CELSR1: variants seen among roughly 807,000 people sequenced by gnomAD.
CELSR1 encodes the protein cadherin EGF LAG seven-pass G-type receptor 1, also known as adhesion G protein-coupled receptor C1.
In CELSR1, 110 loss-of-function variants were observed where a neutral mutation model predicts 249.1. The ratio of observed to expected loss-of-function variants is 0.44; its 90% CI spans 0.38 to 0.52. The LOEUF (loss-of-function observed/expected upper bound fraction) is 0.52. Ranked by LOEUF, CELSR1 falls within the 20% of genes least tolerant of loss-of-function variation. The pLI is 0.00. For missense variants in CELSR1, 4,109 were observed against 4,296.4 expected, an observed-to-expected ratio of 0.96 and a Z score of 1.22; for synonymous variants, 2,113 against 1,900.0, an observed-to-expected ratio of 1.11 and a Z score of -2.92.
rs914214439 is a variant in CELSR1 at position 46,398,899 on chromosome 22, C to A, written c.5413-262G>T. On this transcript the variant is annotated intron_variant, in intron 10 of 34. Transcript: ENST00000674500. The surrounding 1 kb of genome is among the most constrained non-coding windows in gnomAD (Gnocchi z 7.2). ...AGGCGGCCAGTGGGGTCAACGTGGGCAACTGTCCCGCCTCCGTCAAGGGCA... is the reference window on the plus strand; with the variant it reads ...AGGCGGCCAGTGGGGTCAACGTGGGAAACTGTCCCGCCTCCGTCAAGGGCA... Among the ~76,000 whole-genome samples, 1 of 152,208 alleles carries A rather than the reference C, an allele frequency of 6.6e-6. No homozygotes were observed. The highest frequency in any genetic ancestry group is 6.5e-5 in the Admixed American group (1 of 15,284).
rs866068908 is a variant in CELSR1, at chr22:46,445,337, T to C, written c.4184-5926A>G. Among the ~76,000 whole-genome samples, 1 of 151,074 alleles carries C rather than the reference T, an allele frequency of 6.6e-6. No homozygotes were observed. Among genetic ancestry groups the C allele is most frequent in the African/African-American group, 2.4e-5 (1 of 40,984 alleles). ...GACAAAACCCCGTCTCTACTAAAAA[T>C]ATAAAAATTAGCCGGGTATGGTGGC... On this transcript the variant is annotated intron_variant, in intron 2 of 34. Coordinates refer to ENST00000674500, the MANE Select transcript of CELSR1 (RefSeq NM_001378328.1). The surrounding 1 kb of genome is among the most constrained non-coding windows in gnomAD (Gnocchi z 4.4).
chr22:46,398,915 G>A lies in CELSR1; in HGVS notation c.5413-278C>T, dbSNP rs944212643. Among the ~76,000 whole-genome samples, 3 of 152,188 alleles carry A rather than the reference G, an allele frequency of 2.0e-5. No individual in the cohort carries two copies. In the South Asian group the frequency reaches 6.2e-4, roughly 32 times the overall value. On this transcript the variant is annotated intron_variant, in intron 10 of 34. Transcript: ENST00000674500. This position sits in a 1 kb window ranked among gnomAD's most constrained non-coding sequence, Gnocchi z 7.2. Reference sequence around the variant, plus strand: ...CAACGTGGGCAACTGTCCCGCCTCCGTCAAGGGCACAACACTAAACCAGCC... The same window carrying A: ...CAACGTGGGCAACTGTCCCGCCTCCATCAAGGGCACAACACTAAACCAGCC...
chr22:46,363,676 G>A lies in CELSR1; in HGVS notation c.9035+320C>T, dbSNP rs2078731184. ...AGTATCCTCAACTGCAAGGTGGGTG[G>A]CAGTGGTCCCAGGCGGAGACAATGC... On this transcript the variant is annotated intron_variant, in intron 34 of 34. Coordinates refer to ENST00000674500, the MANE Select transcript of CELSR1 (RefSeq NM_001378328.1). The surrounding 1 kb of genome is among the most constrained non-coding windows in gnomAD (Gnocchi z 4.3). 2.4e-6 allele frequency: 1 copy of A among 411,662 alleles called. No homozygotes were observed. 25.5% of individuals were successfully genotyped at this position (411,662 alleles called of 1,614,324 possible).
chr22:46,496,921 AATAC>A (rs1206095013), intron 1 of CELSR1, among the ~76,000 whole-genome samples: 2 of 152,206 alleles, frequency 1.3e-5, no homozygotes, highest in African/African-American at 4.8e-5. Flanking sequence ...TAGTACAGTA[AATAC>A]ATACAGTAAA....
Position 46,364,300 on chromosome 22 carries a change from G to GGCAGCTGCTGGGCCGTGT in CELSR1, c.8780-67_8780-50dup. The GGCAGCTGCTGGGCCGTGT allele has an allele frequency of 3.1e-6, 5 of 1,590,500 alleles. No homozygotes were observed. In the South Asian group the frequency reaches 3.3e-5, roughly 11 times the overall value. The stretch of plus-strand genomic sequence containing the variant: ...GTCAAGTCCGGGTGATGCTGCCGGG[G>GGCAGCTGCTGGGCCGTGT]GCAGCTGCTGGGCCGTGTGCAGCTG... On this transcript the variant is annotated intron_variant, in intron 33 of 34. Transcript: ENST00000674500.
rs1162467549 is a variant in CELSR1 at position 46,527,239 on chromosome 22, ATCTAAGCTGGC to A, written c.3544+6377_3544+6387del. Among the ~76,000 whole-genome samples, 1 of 152,072 alleles carries A rather than the reference ATCTAAGCTGGC, an allele frequency of 6.6e-6. No homozygotes were observed. The highest frequency in any genetic ancestry group is 2.4e-5 in the African/African-American group (1 of 41,412). ...CACATCGGCTGAGATGTGTCTGACC[ATCTAAGCTGGC>A]AAAGCCCTCCTCAGCCACCCCCATG... On this transcript the variant is annotated intron_variant, in intron 1 of 34. Coordinates refer to ENST00000674500, the MANE Select transcript of CELSR1 (RefSeq NM_001378328.1). The surrounding 1 kb of genome is among the most constrained non-coding windows in gnomAD (Gnocchi z 5.5).
At chr22:46,388,420 A>C (rs979158823) in intron 18 of CELSR1, among the ~76,000 whole-genome samples, 6 of 152,120 alleles carry the variant, frequency 3.9e-5, no homozygotes, top group Non-Finnish European at 5.9e-5. Flanking sequence ...TGGAGAACAA[A>C]CGCCACTGGC....
At chr22:46,528,679 A>G (rs944567598) in intron 1 of CELSR1, among the ~76,000 whole-genome samples, 4 of 152,240 alleles carry the variant, frequency 2.6e-5, no homozygotes, top group Non-Finnish European at 1.5e-5. Context: ...CTGTAATCCC[A>G]GCACTTTGGG....
In CELSR1 at chr22:46,446,277, C is replaced by T. The variant is rs959663725; in HGVS notation, c.4184-6866G>A. Among the ~76,000 whole-genome samples, 3 of 152,194 alleles carry T rather than the reference C, an allele frequency of 2.0e-5. No homozygotes were observed. The highest frequency in any genetic ancestry group is 7.2e-5 in the African/African-American group (3 of 41,446). Reference sequence around the variant, plus strand: ...GTCTCTGCATGTGGCTTTCCAGTGCCTGGAGGCCACCCGCATCCCCTGGCT... The same window carrying T: ...GTCTCTGCATGTGGCTTTCCAGTGCTTGGAGGCCACCCGCATCCCCTGGCT... On this transcript the variant is annotated intron_variant, in intron 2 of 34. Transcript: ENST00000674500. The surrounding 1 kb of genome is among the most constrained non-coding windows in gnomAD (Gnocchi z 5.5).
At chr22:46,496,522 C>G (rs1052596191) in intron 1 of CELSR1, among the ~76,000 whole-genome samples, 1 of 152,168 alleles carries the variant, frequency 6.6e-6, no homozygotes, top group African/African-American at 2.4e-5. Context: ...GAGCCAAGAT[C>G]ACGCCACTGC....
rs2078754488 is a variant in CELSR1, at chr22:46,365,223, A to G, written c.8554+8T>C. 6 of 1,610,446 alleles carry G rather than the reference A, an allele frequency of 3.7e-6. No individual in the cohort carries two copies. The highest frequency in any genetic ancestry group is 5.1e-6 in the Non-Finnish European group (6 of 1,179,572). ...CCCAGCCTGGCCCAATGTGCCCCAC[A>G]CACTCACCTTTGGGGGTGCTGTGGA... On this transcript the variant is annotated splice_region_variant and intron_variant, in intron 32 of 34. Coordinates refer to ENST00000674500, the MANE Select transcript of CELSR1 (RefSeq NM_001378328.1).
intron 1 of CELSR1, among the ~76,000 whole-genome samples, chr22:46,497,977 G>A (rs1018348300): frequency 3.3e-5 from 5 of 152,038 alleles, no homozygotes; most frequent in Admixed American, 6.6e-5. Flanking sequence ...GGCCAGGCAC[G>A]GTGGCTCACG....
Position 46,408,028 on chromosome 22 carries a change from G to C in CELSR1, c.5226+968C>G, listed in dbSNP as rs908010632. ...CGGCGGAGGTTGTGGCAGAAGGGCA[G>C]CCCGATGACAGAAGACAGGGCTCAT... On this transcript the variant is annotated intron_variant, in intron 9 of 34. Coordinates refer to ENST00000674500, the MANE Select transcript of CELSR1 (RefSeq NM_001378328.1). This position sits in a 1 kb window ranked among gnomAD's most constrained non-coding sequence, Gnocchi z 4.6. 6.6e-6 allele frequency among the ~76,000 whole-genome samples: 1 copy of C among 152,206 alleles called. No individual in the cohort carries two copies. Among genetic ancestry groups the C allele is most frequent in the Non-Finnish European group, 1.5e-5 (1 of 68,044 alleles).
rs184258457 is a variant in CELSR1, at chr22:46,417,887, G to A, written c.4612-6128C>T. 3.9e-5 allele frequency among the ~76,000 whole-genome samples: 6 copies of A among 152,324 alleles called. No homozygotes were observed. The highest frequency in any genetic ancestry group is 2.0e-4 in the Admixed American group (3 of 15,306). ...CCAGCTGGGCGGGCCCAAGGCCGGC[G>A]GGGGGCTCACAGGACAGCAGTGTCC... is the stretch of plus-strand genomic sequence containing the variant. On this transcript the variant is annotated intron_variant, in intron 5 of 34. Coordinates refer to ENST00000674500, the MANE Select transcript of CELSR1 (RefSeq NM_001378328.1). This position sits in a 1 kb window ranked among gnomAD's most constrained non-coding sequence, Gnocchi z 4.1.
chr22:46,410,459 C>G lies in CELSR1; in HGVS notation c.4872G>C (p.Leu1624=). ...NRQFVGCMRN[L]SVDGKNVDMA... The stretch of plus-strand genomic sequence containing the variant: ...TGTCCACATTTTTGCCGTCGACTGA[C>G]AGGTTCCGCATGCAGCCCACGAACT... Residue 1624 remains leucine, a synonymous_variant, in exon 7 of 35, where the codon CTG becomes CTC. Transcript: ENST00000674500. The surrounding 1 kb of genome is among the most constrained non-coding windows in gnomAD (Gnocchi z 6.8). 1.2e-6 allele frequency: 2 copies of G among 1,614,104 alleles called. No individual in the cohort carries two copies. Among genetic ancestry groups the G allele is most frequent in the Non-Finnish European group, 1.7e-6 (2 of 1,180,026 alleles).
intron 27 of CELSR1, among the ~76,000 whole-genome samples, chr22:46,368,494 G>A (rs557187315): frequency 3.4e-5 from 5 of 146,446 alleles, no homozygotes; most frequent in East Asian, 2.1e-4. Flanking sequence ...CTCTCCTCCC[G>A]GGCCGGGAGC....
chr22:46,382,387 C>A (rs567402168), intron 20 of CELSR1, among the ~76,000 whole-genome samples: 3 of 152,188 alleles, frequency 2.0e-5, no homozygotes, highest in African/African-American at 7.2e-5. Context: ...ACGCCATTCT[C>A]CTGCCTCAGC....
Position 46,537,173 on chromosome 22 carries a change from C to CCCGGAG in CELSR1, c.-9_-4dup, listed in dbSNP as rs2080868441. The CCCGGAG allele has an allele frequency of 3.9e-6, 4 of 1,016,716 alleles. No homozygotes were observed. The highest frequency in any genetic ancestry group is 4.7e-6 in the Non-Finnish European group (4 of 853,196). The allele number at this position is 1,016,716 out of a possible 1,614,324, so 63.0% of individuals were successfully genotyped here. A position where few individuals can be genotyped will look rare whatever the true frequency, so the allele number is the denominator to read the frequency against. On this transcript the variant is annotated 5_prime_UTR_variant, in exon 1 of 35. Transcript: ENST00000674500. The surrounding 1 kb of genome is among the most constrained non-coding windows in gnomAD (Gnocchi z 5.8). ...ACGGGCGGCGGCGGCGGCGCCATGG[C>CCCGGAG]CCGGAGCCCGAGCCCGAGCCGGGCG... is the stretch of plus-strand genomic sequence containing the variant.
intron 1 of CELSR1, among the ~76,000 whole-genome samples, chr22:46,504,929 T>G (rs1438095609): frequency 6.6e-6 from 1 of 152,152 alleles, no homozygotes; most frequent in Non-Finnish European, 1.5e-5. Flanking sequence ...CTGAATATAT[T>G]GCAATACATC....
Sources: allele counts gnomAD v4.1 joint callset (sites outside exome capture counted in the v4.1 genomes callset), GRCh38; gene constraint gnomAD v4.1.1; non-coding constraint Gnocchi (gnomAD v3.1); transcripts MANE v1.5; gene names NCBI Gene and HGNC (gene_info 2026-07-23, HGNC 2026-07-21).